The following PTPRQ variants were observed in gnomAD, a reference collection of about 807,000 sequenced individuals.
The protein encoded by PTPRQ is phosphatidylinositol phosphatase PTPRQ.
A neutral mutation model predicts 246.0 loss-of-function variants in PTPRQ; 199 were observed. That is an observed-to-expected ratio of 0.81 (90% confidence interval 0.72 to 0.91). The LOEUF is 0.91. Among genes scored for constraint, PTPRQ ranks in the 40% least tolerant of loss-of-function variants. The pLI, the probability that PTPRQ is intolerant of heterozygous loss-of-function variation, is 0.00. For synonymous variants in PTPRQ, 869 were observed against 853.2 expected (o/e 1.02, Z -0.32); for missense variants, 2,624 against 2,528.4 (o/e 1.04, Z -0.81).
intron 22 of PTPRQ, 81 bp from the exon 23 acceptor site, chr12:80,542,649 G>A (rs1031593311): frequency 2.4e-5 from 34 of 1,396,598 alleles, no homozygotes; most frequent in Middle Eastern, 1.9e-4. Flanking sequence ...TTAAACTAGT[G>A]TCTTCAAGAA....
chr12:80,553,822 C>A (rs1295515236), intron 25 of PTPRQ, among the ~76,000 whole-genome samples: 1 of 152,106 alleles, frequency 6.6e-6, no homozygotes, highest in East Asian at 1.9e-4. Flanking sequence ...AATAATACAG[C>A]AAGTCCATGT....
intron 17 of PTPRQ, among the ~76,000 whole-genome samples, chr12:80,521,399 G>A (rs1367913566): frequency 6.6e-6 from 1 of 152,184 alleles, no homozygotes; most frequent in Non-Finnish European, 1.5e-5. Context: ...GGCTTTGGTT[G>A]CCATTGCTTT....
intron 37 of PTPRQ, 90 bp from the exon 38 acceptor site, chr12:80,652,654 A>AG: frequency 7.6e-7 from 1 of 1,310,030 alleles, no homozygotes; most frequent in Non-Finnish European, 1.0e-6. Flanking sequence ...AATTAAAAAA[A>AG]AAGTTTAGGA....
chr12:80,678,860 C>A, intron 44 of PTPRQ, 126 bp from the exon 45 acceptor site: 1 of 1,294,440 alleles, frequency 7.7e-7, no homozygotes, highest in Non-Finnish European at 9.9e-7. Flanking sequence ...TTTTCTTTAA[C>A]TTTTCTCTAA....
At position 80,514,402 on chromosome 12, in the gene PTPRQ, A is replaced by ACTCTCT. The variant is rs1350863785; in HGVS notation, c.2678+3972_2678+3977dup. On this transcript the variant is annotated intron_variant, in intron 17 of 44. Transcript: ENST00000644991. Reference sequence around the variant, plus strand: ...CACACACACACACACACACACACACACTCTCTCTCTCTCTCTCTGCTTTAA... The same window carrying ACTCTCT: ...CACACACACACACACACACACACACACTCTCTCTCTCTCTCTCTCTCTCTGCTTTAA... Among the ~76,000 whole-genome samples, 287 of 112,960 alleles carry ACTCTCT rather than the reference A, an allele frequency of 2.5e-3. 5 individuals are homozygous for ACTCTCT. Among genetic ancestry groups the ACTCTCT allele is most frequent in the Non-Finnish European group, 3.0e-3 (166 of 56,232 alleles). 74.1% of individuals were successfully genotyped at this position (112,960 alleles called of 152,430 possible).
Position 80,506,651 on chromosome 12 carries a change from T to C in PTPRQ, c.2538T>C (p.Ser846=), listed in dbSNP as rs1324533026. 1.3e-6 allele frequency: 2 copies of C among 1,542,418 alleles called. No homozygotes were observed. The highest frequency in any genetic ancestry group is 8.8e-7 in the Non-Finnish European group (1 of 1,141,124). The change falls in exon 16 of 45, where the codon AGT becomes AGC. Residue 846 remains serine (S), a synonymous_variant. Transcript: ENST00000644991. Reference sequence around the variant, plus strand: ...AAGGAGTTCGGAGTGCTCCCATAAGTATACTGACGGAGGAAGATGGTAAAT... The same window carrying C: ...AAGGAGTTCGGAGTGCTCCCATAAGCATACTGACGGAGGAAGATGGTAAAT... The part of the protein sequence containing the change: ...KGEGVRSAPI[S]ILTEEDAPDS...
chr12:80,454,607 C>A (rs907128012), intron 3 of PTPRQ: 2 of 699,466 alleles, frequency 2.9e-6, no homozygotes, highest in Admixed American at 2.0e-5. Context: ...TGTGGTTTGT[C>A]ATATATAGCT....
intron 4 of PTPRQ, among the ~76,000 whole-genome samples, chr12:80,459,031 A>G (rs1893063346): frequency 6.6e-6 from 1 of 152,152 alleles, no homozygotes; most frequent in African/African-American, 2.4e-5. Context: ...TATTGATTGA[A>G]TTTTTTTCAT....
intron 25 of PTPRQ, among the ~76,000 whole-genome samples, chr12:80,577,894 T>A (rs1897317156): frequency 6.6e-6 from 1 of 152,130 alleles, no homozygotes; most frequent in South Asian, 2.1e-4. Flanking sequence ...CATAACTTGA[T>A]AAATACTCCA....
At position 80,625,041 on chromosome 12, in the gene PTPRQ, A is replaced by G. The variant is rs559493362; in HGVS notation, c.5686+2907A>G. On this transcript the variant is annotated intron_variant, in intron 33 of 44. Transcript: ENST00000644991. ...CCACAGATTCAAAAGAGTTCTTAGT[A>G]AAAGAACATTGCCAGGGAAGAAACT... Among the ~76,000 whole-genome samples the G allele has an allele frequency of 2.6e-5, 4 of 152,308 alleles. No individual in the cohort carries two copies. In the South Asian group the frequency reaches 8.3e-4, roughly 32 times the overall value.
At position 80,635,051 on chromosome 12, in the gene PTPRQ, C is replaced by A; in HGVS notation, c.5893C>A (p.Leu1965Met). 6.4e-7 allele frequency: 1 copy of A among 1,551,094 alleles called. No individual in the cohort carries two copies. The highest frequency in any genetic ancestry group is 2.4e-5 in the East Asian group (1 of 40,878). The change falls in exon 35 of 45, where the codon CTG becomes ATG. Residue 1965 changes from leucine to methionine, a missense_variant. Transcript: ENST00000644991. Reference protein sequence around the residue: ...DQLITVADLELKDERLTRLLS... With the variant: ...DQLITVADLEMKDERLTRLLS... ...GCTCATCACAGTGGCAGACCTGGAACTGAAGGACGAGAGATTAACGCGGTG... is the reference window on the plus strand; with the variant it reads ...GCTCATCACAGTGGCAGACCTGGAAATGAAGGACGAGAGATTAACGCGGTG...
Position 80,478,370 on chromosome 12 carries a change from AC to A in PTPRQ, c.1187-6060del, listed in dbSNP as rs1192228408. 4.6e-5 allele frequency among the ~76,000 whole-genome samples: 7 copies of A among 151,778 alleles called. No individual in the cohort carries two copies. The East Asian group carries it at 1.2e-3, about 25-fold the overall frequency. ...AACAGAAAGGACATCCACACCAAAAACCCATCTGTACATCACCATCATCAAA... is the reference window on the plus strand; with the variant it reads ...AACAGAAAGGACATCCACACCAAAAACCATCTGTACATCACCATCATCAAA... On this transcript the variant is annotated intron_variant, in intron 8 of 44. Coordinates refer to ENST00000644991, the MANE Select transcript of PTPRQ (RefSeq NM_001145026.2).
At chr12:80,521,411 T>G (rs182903521) in intron 17 of PTPRQ, among the ~76,000 whole-genome samples, 10,500 of 152,136 alleles carry the variant, frequency 0.069, 461 homozygotes, top group Middle Eastern at 0.12. Flanking sequence ...CATTGCTTTT[T>G]GTGTTTTAGA....
rs1592593515 is a variant in PTPRQ at position 80,506,258 on chromosome 12, C to A, written c.2455+52C>A. ...ATTTGCATTTATAATGACAGAGTAG[C>A]CACAAATATTAGTTTAATGTTAATA... On this transcript the variant is annotated intron_variant, in intron 15 of 44. Transcript: ENST00000644991. 5.0e-6 allele frequency: 7 copies of A among 1,391,456 alleles called. No individual in the cohort carries two copies. The East Asian group carries it at 1.3e-4, about 26-fold the overall frequency. 86.2% of individuals were successfully genotyped at this position (1,391,456 alleles called of 1,614,324 possible). A position where few individuals can be genotyped will look rare whatever the true frequency, so the allele number is the denominator to read the frequency against.
At chr12:80,643,428 A>G (rs1899961482) in intron 35 of PTPRQ, among the ~76,000 whole-genome samples, 1 of 150,000 alleles carries the variant, frequency 6.7e-6, no homozygotes. Flanking sequence ...ACAATCGTGA[A>G]ATCCCATCTC....
At chr12:80,650,608 G>T (rs1565841591) in intron 37 of PTPRQ, among the ~76,000 whole-genome samples, 1 of 151,952 alleles carries the variant, frequency 6.6e-6, no homozygotes, top group Non-Finnish European at 1.5e-5. Context: ...ACAAAAATGA[G>T]AGAAGATTAA....
chr12:80,451,384 T>G (rs2120421357), intron 3 of PTPRQ, among the ~76,000 whole-genome samples: 1 of 92,342 alleles, frequency 1.1e-5, no homozygotes, highest in African/African-American at 4.4e-5. Context: ...GTCCTTCAGT[T>G]CTGCTCTGAT....
intron 33 of PTPRQ, among the ~76,000 whole-genome samples, chr12:80,627,414 G>T (rs1025676803): frequency 6.6e-6 from 1 of 150,428 alleles, no homozygotes; most frequent in Non-Finnish European, 1.5e-5. Context: ...AGGAGGAAGG[G>T]GAGGAGGAGA....
chr12:80,634,077 A>G (rs1343111684), intron 34 of PTPRQ, among the ~76,000 whole-genome samples: 3 of 152,080 alleles, frequency 2.0e-5, no homozygotes, highest in Non-Finnish European at 4.4e-5. Flanking sequence ...AATAATAATA[A>G]CTATTTATGT....
Sources: allele counts gnomAD v4.1 joint callset (sites outside exome capture counted in the v4.1 genomes callset), GRCh38; gene constraint gnomAD v4.1.1; transcripts MANE v1.5; gene names NCBI Gene and HGNC (gene_info 2026-07-23, HGNC 2026-07-21).